The following AP3D1 variants were observed in gnomAD, a reference collection of about 807,000 sequenced individuals.
AP3D1 encodes the protein AP-3 complex subunit delta-1.
In AP3D1, 51 loss-of-function variants were observed where a neutral mutation model predicts 147.6. That is an observed-to-expected ratio of 0.35 (90% CI 0.28 to 0.44). The LOEUF is 0.44. Ranked by LOEUF, AP3D1 falls within the 20% of genes least tolerant of loss-of-function variation. The pLI, the probability that AP3D1 is intolerant of heterozygous loss-of-function variation, is 1.00. For missense variants in AP3D1, 1,421 were observed against 1,624.2 expected, an observed-to-expected ratio of 0.87 and a Z score of 2.15; for synonymous variants, 760 against 663.0, an observed-to-expected ratio of 1.15 and a Z score of -2.25.
At chr19:2,102,644 C>T (rs914228971) in intron 31 of AP3D1, among the ~76,000 whole-genome samples, 16 of 151,920 alleles carry the variant, frequency 1.1e-4, no homozygotes, top group African/African-American at 2.2e-4. Flanking sequence ...AGGAGAATGG[C>T]GTGAACCCGG....
chr19:2,111,434 G>C (rs1281727049), intron 25 of AP3D1, 102 bp from the exon 26 acceptor site: 10 of 1,450,276 alleles, frequency 6.9e-6, no homozygotes, highest in Non-Finnish European at 9.5e-6. Context: ...ACGACTCCAA[G>C]AATGCTTGGG....
intron 6 of AP3D1, 140 bp from the exon 7 acceptor site, chr19:2,129,597 G>A: frequency 9.4e-7 from 1 of 1,058,822 alleles, no homozygotes; most frequent in Non-Finnish European, 1.3e-6. Flanking sequence ...ACCTCCTCCT[G>A]GTGACAGGGA....
At chr19:2,117,458 G>T in intron 15 of AP3D1, 91 bp from the exon 16 acceptor site, 1 of 1,374,394 alleles carries the variant, frequency 7.3e-7, no homozygotes, top group Non-Finnish European at 9.6e-7. Context: ...CCCTGGCACA[G>T]TGACGTGTGG....
chr19:2,131,186 G>A (rs993677164), intron 5 of AP3D1, among the ~76,000 whole-genome samples: 6 of 152,266 alleles, frequency 3.9e-5, no homozygotes, highest in Admixed American at 1.3e-4. Flanking sequence ...GCCCTGTGCC[G>A]CAGCCTGCTG....
intron 5 of AP3D1, among the ~76,000 whole-genome samples, chr19:2,131,288 T>G (rs988722880): frequency 7.1e-6 from 1 of 141,354 alleles, no homozygotes; most frequent in African/African-American, 2.6e-5. Flanking sequence ...GGCAGCCACA[T>G]GGGGACGGCG....
rs373655875 is a variant in AP3D1, at chr19:2,110,735, G to A, written c.3147C>T (p.Gly1049=). ...ARPQGSSVHD[G]VPVPFQLPPG... is the part of the protein sequence containing the mutation. The stretch of plus-strand genomic sequence containing the variant: ...GGGGCAGCTGGAAAGGCACGGGGAC[G>A]CCATCGTGGACGGAGGAGCCCTGCG... Residue 1049 remains glycine, a synonymous_variant, in exon 27 of 32, where the codon GGC becomes GGT. Transcript: ENST00000643116. 39 of 1,607,130 alleles carry A rather than the reference G, an allele frequency of 2.4e-5. No individual in the cohort carries two copies. The highest frequency in any genetic ancestry group is 6.7e-5 in the Admixed American group (4 of 59,496).
upstream of AP3D1, among the ~76,000 whole-genome samples, chr19:2,155,547 A>AT (rs2019638612): frequency 6.6e-6 from 1 of 150,916 alleles, no homozygotes; most frequent in African/African-American, 2.4e-5. Context: ...AAAAAAAAAA[A>AT]AAAAAAAAAT....
intron 1 of AP3D1, among the ~76,000 whole-genome samples, chr19:2,147,575 GA>G (rs571068306): frequency 8.2e-4 from 113 of 137,308 alleles, no homozygotes; most frequent in African/African-American, 2.7e-3. Flanking sequence ...ACAAGAAGAA[GA>G]AAAAAAAAAC....
At position 2,108,740 on chromosome 19, in the gene AP3D1, A is replaced by T. The variant is rs535135693; in HGVS notation, c.3499T>A (p.Ser1167Thr). ...SVVERVDSCASMYSRSIQGHH... is the reference protein window; with the variant it reads ...SVVERVDSCATMYSRSIQGHH... Reference sequence around the variant, plus strand: ...CCCTGGATGGAGCGGCTGTACATGGAGGCGCAGGAGTCCACTCGCTCCACA... The same window carrying T: ...CCCTGGATGGAGCGGCTGTACATGGTGGCGCAGGAGTCCACTCGCTCCACA... Residue 1167 changes from serine to threonine, a missense_variant, in exon 31 of 32, where the codon TCC becomes ACC. Physicochemically the swap from Ser to Thr is moderately conservative, Grantham distance 58 (BLOSUM62 1). Coordinates refer to ENST00000643116, the MANE Select transcript of AP3D1 (RefSeq NM_001261826.3). The T allele has an allele frequency of 1.9e-6, 3 of 1,580,034 alleles. No individual in the cohort carries two copies. Among genetic ancestry groups the T allele is most frequent in the African/African-American group, 2.7e-5 (2 of 74,038 alleles).
upstream of AP3D1, among the ~76,000 whole-genome samples, chr19:2,154,510 C>T (rs569485356): frequency 1.2e-4 from 18 of 152,246 alleles, no homozygotes; most frequent in Admixed American, 1.0e-3. Context: ...ATCTCTTGAC[C>T]TCGTGATCTG....
Position 2,120,964 on chromosome 19 carries a change from G to A in AP3D1, c.1379C>T (p.Ser460Phe). 6.2e-7 allele frequency: 1 copy of A among 1,612,198 alleles called. No individual in the cohort carries two copies. The highest frequency in any genetic ancestry group is 8.5e-7 in the Non-Finnish European group (1 of 1,180,018). The change falls in exon 14 of 32, where the codon TCT becomes TTT. Residue 460 changes from serine (S) to phenylalanine (F), a missense_variant. Ser to Phe is a radical substitution (Grantham distance 155, BLOSUM62 -2). Around this residue, in one of 6 missense-constraint regions of AP3D1, gnomAD observed 310 missense variants for 388.1 expected, o/e 0.80. Transcript: ENST00000643116. ...AIRKFAVSQM[S>F]ALLDSAHLLA... is the part of the protein sequence containing the mutation. ...CAGGTGTGCACTGTCAAGCAGCGCA[G>A]ACATCTGGGACACGGCGAACTTGCG...
rs758286 is a variant in AP3D1, at chr19:2,109,835, G to A, written c.3350+38C>T. ...TCTGCAAGGTAGAGGGGAGGCGGAGGGGGTTCGGGGACATAGGGGAGTGGG... is the reference window on the plus strand; with the variant it reads ...TCTGCAAGGTAGAGGGGAGGCGGAGAGGGTTCGGGGACATAGGGGAGTGGG... On this transcript the variant is annotated intron_variant, in intron 29 of 31. Coordinates refer to ENST00000643116, the MANE Select transcript of AP3D1 (RefSeq NM_001261826.3). 85,665 of 1,591,636 alleles carry A rather than the reference G, an allele frequency of 0.054. 3,308 individuals carry two copies. The highest frequency in any genetic ancestry group is 0.22 in the East Asian group (9,882 of 44,688).
rs150982298 is a variant in AP3D1 at position 2,111,715 on chromosome 19, C to T, written c.2901G>A (p.Pro967=). The T allele has an allele frequency of 3.3e-4, 533 of 1,601,480 alleles. 2 individuals carry two copies. The African/African-American group carries it at 5.8e-3, about 17-fold the overall frequency. Residue 967 remains proline (P), a synonymous_variant, in exon 25 of 32, where the codon CCG becomes CCA. Coordinates refer to ENST00000643116, the MANE Select transcript of AP3D1 (RefSeq NM_001261826.3). The part of the protein sequence containing the change: ...PPGSEEAAGE[P]VQNGAPEEEQ... ...CCTCCTCTGGCGCGCCATTCTGCAC[C>T]GGCTCCCCCGCTGCCTCCTCGCTGC...
chr19:2,148,990 G>GT (rs939939622), intron 1 of AP3D1, among the ~76,000 whole-genome samples: 8 of 152,136 alleles, frequency 5.3e-5, no homozygotes, highest in South Asian at 2.1e-4. Context: ...TTCAAAGTGA[G>GT]TGGGGGTGCT....
rs772783843 is a variant in AP3D1 at position 2,114,154 on chromosome 19, T to C, written c.2572A>G (p.Lys858Glu). Residue 858 changes from lysine to glutamate, a missense_variant, in exon 22 of 32, where the codon AAG becomes GAG. Lys to Glu is a moderately conservative substitution (Grantham distance 56). Transcript: ENST00000643116. ...EKKHKEKERD[K>E]EKKKEKEKKA... ...TTCTCCTTCTCCTTCTTCTTCTCCTTGTCTCTCTCTTTCTCTTTGTGTTTT... is the reference window on the plus strand; with the variant it reads ...TTCTCCTTCTCCTTCTTCTTCTCCTCGTCTCTCTCTTTCTCTTTGTGTTTT... 6.4e-6 allele frequency: 10 copies of C among 1,568,876 alleles called. No individual in the cohort carries two copies. In the African/African-American group the frequency reaches 1.2e-4, roughly 19 times the overall value.
intron 31 of AP3D1, among the ~76,000 whole-genome samples, chr19:2,104,612 C>A (rs1472732555): frequency 6.6e-6 from 1 of 151,938 alleles, no homozygotes; most frequent in Non-Finnish European, 1.5e-5. Context: ...CAGACCCCAA[C>A]ACCAAGGCCA....
Position 2,127,527 on chromosome 19 carries a change from G to GT in AP3D1, c.807-327dup, listed in dbSNP as rs556174283. ...TCTTTTCTAGAGTTTTTTTTGTTTT[G>GT]TTTTTTGTCTTTTCTGAGACGGAGT... On this transcript the variant is annotated intron_variant, in intron 8 of 31. Transcript: ENST00000643116. Among the ~76,000 whole-genome samples, 29 of 152,194 alleles carry GT rather than the reference G, an allele frequency of 1.9e-4. No homozygotes were observed. In the South Asian group the frequency reaches 4.6e-3, roughly 24 times the overall value.
chr19:2,135,454 T>C (rs552384840), intron 4 of AP3D1, among the ~76,000 whole-genome samples: 1 of 152,206 alleles, frequency 6.6e-6, no homozygotes, highest in Non-Finnish European at 1.5e-5. Flanking sequence ...TAGAATCGCT[T>C]GAACCCAGGA....
chr19:2,127,063 G>C lies in AP3D1; in HGVS notation c.856+89C>G, dbSNP rs1047743743. 3.5e-6 allele frequency: 5 copies of C among 1,422,564 alleles called. No homozygotes were observed. The African/African-American group carries it at 7.1e-5, about 20-fold the overall frequency. 88.1% of individuals were successfully genotyped at this position (1,422,564 alleles called of 1,614,324 possible). A position where few individuals can be genotyped will look rare whatever the true frequency, so the allele number is the denominator to read the frequency against. ...AGTTCCAGCAGGGGTGGCGCTCGGA[G>C]ACACCAGGCCTGGCGCCCTCCTGTC... On this transcript the variant is annotated intron_variant, in intron 9 of 31. Transcript: ENST00000643116.
Sources: gnomAD v4.1 joint callset for allele counts (sites outside exome capture counted in the v4.1 genomes callset) on GRCh38, gnomAD v4.1.1 for gene constraint, gnomAD v4.1.1 regional missense constraint, MANE v1.5 for transcripts, NCBI Gene and HGNC (gene_info 2026-07-23, HGNC 2026-07-21) for gene names.